CNTNAP5: variants seen among roughly 807,000 people sequenced by gnomAD.
CNTNAP5 encodes the protein contactin associated protein family member 5.
A neutral mutation model predicts 150.2 loss-of-function variants in CNTNAP5; 72 were observed. That is an observed-to-expected ratio of 0.48 (90% CI 0.40 to 0.58). CNTNAP5 has a LOEUF of 0.58. Ranked by LOEUF, CNTNAP5 falls within the 20% of genes least tolerant of loss-of-function variation. The probability of loss-of-function intolerance (pLI) is 0.00; values close to 1 mark genes in which losing one functional copy is unlikely to be tolerated. For synonymous variants in CNTNAP5, 672 were observed against 619.8 expected (o/e 1.08, Z -1.25); for missense variants, 1,636 against 1,626.2 (o/e 1.01, Z -0.10).
intron 19 of CNTNAP5, among the ~76,000 whole-genome samples, chr2:124,837,069 A>C (rs189869445): frequency 9.7e-4 from 147 of 152,086 alleles, no homozygotes; most frequent in African/African-American, 3.4e-3. Flanking sequence ...GCCTGATTTT[A>C]CCAGAGTGGA....
At chr2:124,598,428 T>TG (rs1428277764) in intron 11 of CNTNAP5, among the ~76,000 whole-genome samples, 8 of 122,926 alleles carry the variant, frequency 6.5e-5, no homozygotes, top group East Asian at 2.5e-4. Context: ...GTGCCCCTGC[T>TG]GGGGGGTGCC....
intron 7 of CNTNAP5, among the ~76,000 whole-genome samples, chr2:124,502,717 T>G (rs562847330): frequency 1.3e-5 from 2 of 152,298 alleles, no homozygotes; most frequent in Admixed American, 6.5e-5. Context: ...TGAAAGGGAA[T>G]TTACCAGAGA....
chr2:124,681,161 G>A (rs992147269), intron 13 of CNTNAP5, among the ~76,000 whole-genome samples: 3 of 149,646 alleles, frequency 2.0e-5, no homozygotes, highest in Non-Finnish European at 2.9e-5. Context: ...AATTAGCCGG[G>A]CATGGTGGTG....
intron 1 of CNTNAP5, among the ~76,000 whole-genome samples, chr2:124,182,575 T>C (rs1256789046): frequency 6.6e-6 from 1 of 152,148 alleles, no homozygotes; most frequent in Non-Finnish European, 1.5e-5. Context: ...CGGTGAAAAT[T>C]AATCTTTTAG....
rs1026273336 is a variant in CNTNAP5 at position 124,918,353 on chromosome 2, C to T, written c.*4065C>T. ...CTCTACATAACATTTCTGAACCTAA[C>T]TGAAGTCTACCCTTCCATCAGTAAT... On this transcript the variant is annotated 3_prime_UTR_variant, in exon 24 of 24. Coordinates refer to ENST00000682447, the MANE Select transcript of CNTNAP5 (RefSeq NM_001367498.1). Among the ~76,000 whole-genome samples, 1 of 152,068 alleles carries T rather than the reference C, an allele frequency of 6.6e-6. No homozygotes were observed. The highest frequency in any genetic ancestry group is 2.4e-5 in the African/African-American group (1 of 41,424).
chr2:124,865,096 C>T (rs552775551), intron 19 of CNTNAP5, among the ~76,000 whole-genome samples: 26 of 152,182 alleles, frequency 1.7e-4, no homozygotes, highest in African/African-American at 5.8e-4. Context: ...CACACACTCT[C>T]TCTCTCTCTC....
At chr2:124,088,627 T>C (rs2104683568) in intron 1 of CNTNAP5, among the ~76,000 whole-genome samples, 1 of 152,234 alleles carries the variant, frequency 6.6e-6, no homozygotes, top group South Asian at 2.1e-4. Context: ...GTAAAATTCA[T>C]AATTGCCTTG....
At chr2:124,416,265 A>T (rs1261043193) in intron 3 of CNTNAP5, among the ~76,000 whole-genome samples, 1 of 152,106 alleles carries the variant, frequency 6.6e-6, no homozygotes, top group East Asian at 1.9e-4. Context: ...TGTATGTCAA[A>T]GTGTCATGTT....
intron 11 of CNTNAP5, among the ~76,000 whole-genome samples, chr2:124,588,204 C>CT (rs1324703329): frequency 7.6e-6 from 1 of 131,122 alleles, no homozygotes; most frequent in African/African-American, 2.9e-5. Flanking sequence ...TTCTTTCTTT[C>CT]TTTCTTTCTT....
intron 13 of CNTNAP5, among the ~76,000 whole-genome samples, chr2:124,727,282 T>C (rs746438217): frequency 6.6e-6 from 1 of 152,074 alleles, no homozygotes; most frequent in Non-Finnish European, 1.5e-5. Context: ...AGTTTTATTC[T>C]TGTTGAGGAT....
chr2:124,162,506 C>T (rs1684707118), intron 1 of CNTNAP5, among the ~76,000 whole-genome samples: 1 of 152,092 alleles, frequency 6.6e-6, no homozygotes, highest in Non-Finnish European at 1.5e-5. Context: ...TTAGTTTTTT[C>T]TCAAGTCATC....
At chr2:124,699,988 C>T (rs756161935) in intron 13 of CNTNAP5, among the ~76,000 whole-genome samples, 2 of 152,172 alleles carry the variant, frequency 1.3e-5, no homozygotes, top group Non-Finnish European at 2.9e-5. Context: ...AAACCCTGTA[C>T]TTGTTAGCAA....
chr2:124,410,373 G>A (rs1691718409), intron 3 of CNTNAP5, among the ~76,000 whole-genome samples: 1 of 151,748 alleles, frequency 6.6e-6, no homozygotes. Context: ...TCTGCACCAA[G>A]CGGACCTAAT....
At chr2:124,425,302 A>G (rs555323698) in intron 4 of CNTNAP5, among the ~76,000 whole-genome samples, 40 of 152,354 alleles carry the variant, frequency 2.6e-4, no homozygotes, top group African/African-American at 9.4e-4. Flanking sequence ...GAGAAAAATA[A>G]TAACTATCGT....
chr2:124,882,226 T>C (rs945817849), intron 21 of CNTNAP5, among the ~76,000 whole-genome samples: 16 of 152,040 alleles, frequency 1.1e-4, no homozygotes, highest in Non-Finnish European at 2.2e-4. Flanking sequence ...GGATATGCTG[T>C]GGTTTGAATA....
chr2:124,312,698 G>A (rs1210544829), intron 3 of CNTNAP5, among the ~76,000 whole-genome samples: 1 of 152,226 alleles, frequency 6.6e-6, no homozygotes, highest in African/African-American at 2.4e-5. Flanking sequence ...AGCCTCCCGA[G>A]TAGCTGGGAC....
chr2:124,504,211 C>T, intron 7 of CNTNAP5, 81 bp from the exon 8 acceptor site: 1 of 1,383,032 alleles, frequency 7.2e-7, no homozygotes, highest in East Asian at 2.3e-5. Flanking sequence ...TTAAGGTCAG[C>T]TCCAGGTGGT....
chr2:124,155,997 C>T (rs575373471), intron 1 of CNTNAP5, among the ~76,000 whole-genome samples: 6 of 152,282 alleles, frequency 3.9e-5, no homozygotes, highest in African/African-American at 1.2e-4. Context: ...ACCCTCACCT[C>T]GTATAAAACA....
Position 124,264,405 on chromosome 2 carries a change from C to G in CNTNAP5, c.381+22012C>G, listed in dbSNP as rs1483864992. ...ACACACACATACACACACACACACA[C>G]ACACACACACACACACACACACACA... On this transcript the variant is annotated intron_variant, in intron 3 of 23. Coordinates refer to ENST00000682447, the MANE Select transcript of CNTNAP5 (RefSeq NM_001367498.1). Among the ~76,000 whole-genome samples, 5 of 150,972 alleles carry G rather than the reference C, an allele frequency of 3.3e-5. No individual in the cohort carries two copies. In the East Asian group the frequency reaches 7.8e-4, roughly 24 times the overall value.
Sources: gnomAD v4.1 joint callset for allele counts (sites outside exome capture counted in the v4.1 genomes callset) on GRCh38, gnomAD v4.1.1 for gene constraint, MANE v1.5 for transcripts, NCBI Gene and HGNC (gene_info 2026-07-23, HGNC 2026-07-21) for gene names.